The following POLQ variants were observed in gnomAD, a reference collection of about 807,000 sequenced individuals.
POLQ encodes the protein DNA polymerase theta.
In POLQ, 233 loss-of-function variants were observed where a neutral mutation model predicts 259.2. That is an observed-to-expected ratio of 0.90 (90% confidence interval 0.81 to 1.00). POLQ has a LOEUF of 1.00. POLQ is among the 50% of genes least tolerant of loss of function. The pLI is 0.00. For synonymous variants in POLQ, 1,025 were observed against 1,048.8 expected, an observed-to-expected ratio of 0.98 and a Z score of 0.44; for missense variants, 2,871 against 3,051.6, an observed-to-expected ratio of 0.94 and a Z score of 1.39.
chr3:121,538,096 A>T (rs1176337373), intron 4 of POLQ, among the ~76,000 whole-genome samples: 1 of 152,196 alleles, frequency 6.6e-6, no homozygotes, highest in East Asian at 1.9e-4. Context: ...TGAAATATCA[A>T]AGACATCTAT....
At position 121,489,642 on chromosome 3, in the gene POLQ, A is replaced by G; in HGVS notation, c.3289T>C (p.Phe1097Leu). 1 of 1,614,044 alleles carries G rather than the reference A, an allele frequency of 6.2e-7. No individual in the cohort carries two copies. The highest frequency in any genetic ancestry group is 1.6e-4 in the Middle Eastern group (1 of 6,062). The stretch of plus-strand genomic sequence containing the variant: ...CCACTCAAAGATACATTTTTAGCAA[A>G]TGGCCCTGAATTTCTAAATTCCGTT... ...KKTEFRNSGP[F>L]AKNVSLSGKE... The change falls in exon 16 of 30, where the codon TTT (phenylalanine) becomes CTT (leucine). Residue 1097 changes from phenylalanine to leucine, a missense_variant. Around this residue, in one of 3 missense-constraint regions of POLQ, gnomAD observed 2,080 missense variants for 2,126.0 expected, o/e 0.98. Coordinates refer to ENST00000264233, the MANE Select transcript of POLQ (RefSeq NM_199420.4).
Position 121,520,006 on chromosome 3 carries a change from T to C in POLQ, c.1333A>G (p.Thr445Ala). 6.2e-7 allele frequency: 1 copy of C among 1,612,906 alleles called. No individual in the cohort carries two copies. Among genetic ancestry groups the C allele is most frequent in the East Asian group, 2.2e-5 (1 of 44,848 alleles). The change falls in exon 9 of 30, where the codon ACT becomes GCT. Residue 445 changes from threonine (T) to alanine (A), a missense_variant. Physicochemically the swap from Thr to Ala is moderately conservative, Grantham distance 58 (BLOSUM62 0). Around this residue, in one of 3 missense-constraint regions of POLQ, gnomAD observed 783 missense variants for 906.2 expected, o/e 0.86. Transcript: ENST00000264233. ...GGTAAATTCACCCCAGAAGAAAGAG[T>C]AGAAGTTGCCGCCAAGACCCGAATG... ...GLIRVLAATSTLSSGVNLPAR... is the reference protein window; with the variant it reads ...GLIRVLAATSALSSGVNLPAR...
intron 23 of POLQ, 32 bp downstream of exon 23, chr3:121,468,273 T>C: frequency 1.3e-6 from 2 of 1,564,774 alleles, no homozygotes; most frequent in Non-Finnish European, 1.7e-6. Context: ...TACAAAAGTT[T>C]ATTAATACAG....
chr3:121,474,557 T>A (rs921954723), intron 20 of POLQ, among the ~76,000 whole-genome samples: 2 of 152,210 alleles, frequency 1.3e-5, no homozygotes, highest in African/African-American at 4.8e-5. Context: ...ATTGAAACTA[T>A]TTGTGTAAGT....
Position 121,510,051 on chromosome 3 carries a change from C to T in POLQ, c.1804G>A (p.Asp602Asn). The change falls in exon 11 of 30, where the codon GAT becomes AAT. Residue 602 changes from aspartate to asparagine, a missense_variant. This residue lies in a region of POLQ where 783 missense variants were observed against 906.2 expected (regional missense o/e 0.86). Transcript: ENST00000264233. Reference sequence around the variant, plus strand: ...AAGTCACACTTACCTTCTGTTCCATCACTGGCTTCTGTACTCTGGATGAAT... The same window carrying T: ...AAGTCACACTTACCTTCTGTTCCATTACTGGCTTCTGTACTCTGGATGAAT... ...NEFIQSTEAS[D>N]GTEGKVYHPT... The T allele has an allele frequency of 6.2e-7, 1 of 1,613,440 alleles. No individual in the cohort carries two copies. The highest frequency in any genetic ancestry group is 8.5e-7 in the Non-Finnish European group (1 of 1,179,336).
At chr3:121,493,451 C>T in intron 15 of POLQ, 27 bp downstream of exon 15, 1 of 1,563,842 alleles carries the variant, frequency 6.4e-7, no homozygotes, top group Non-Finnish European at 8.7e-7. Flanking sequence ...ATTTCATAAG[C>T]CCATGTAGGT....
chr3:121,453,367 G>A (rs2047697148), intron 25 of POLQ, among the ~76,000 whole-genome samples: 1 of 152,212 alleles, frequency 6.6e-6, no homozygotes, highest in African/African-American at 2.4e-5. Flanking sequence ...TTCCTCACCA[G>A]CAACGGAACA....
intron 25 of POLQ, among the ~76,000 whole-genome samples, chr3:121,451,192 A>C (rs903826269): frequency 5.9e-5 from 9 of 152,160 alleles, no homozygotes; most frequent in Admixed American, 1.3e-4. Flanking sequence ...CATTCGTCTA[A>C]TCTTTTTTCA....
intron 12 of POLQ, among the ~76,000 whole-genome samples, chr3:121,502,218 T>C (rs1279200527): frequency 6.6e-6 from 1 of 152,166 alleles, no homozygotes; most frequent in Non-Finnish European, 1.5e-5. Flanking sequence ...TGGGTTTGTT[T>C]GTTAGTTTGT....
chr3:121,462,269 A>C, intron 24 of POLQ, among the ~76,000 whole-genome samples: 1 of 152,292 alleles, frequency 6.6e-6, no homozygotes, highest in Non-Finnish European at 1.5e-5. Flanking sequence ...TATGGGAAAA[A>C]AAAAATGGTT....
chr3:121,509,770 T>A, intron 11 of POLQ, 67 bp from the exon 12 acceptor site: 1 of 1,459,982 alleles, frequency 6.8e-7, no homozygotes, highest in Non-Finnish European at 9.4e-7. Context: ...CAAAATACTA[T>A]CTTTCTGTTT....
intron 19 of POLQ, among the ~76,000 whole-genome samples, chr3:121,478,600 A>G (rs969135813): frequency 1.1e-4 from 13 of 121,454 alleles, no homozygotes; most frequent in African/African-American, 1.5e-4. Context: ...AAAAAAAAAA[A>G]GTTAAGCCTG....
intron 20 of POLQ, 133 bp downstream of exon 20, chr3:121,476,407 C>A: frequency 1.8e-6 from 1 of 563,034 alleles, no homozygotes; most frequent in Non-Finnish European, 3.0e-6. Context: ...CCAAAGCAAT[C>A]TGGTTAACTG....
chr3:121,531,207 A>G (rs1464307604), intron 6 of POLQ, among the ~76,000 whole-genome samples: 1 of 152,090 alleles, frequency 6.6e-6, no homozygotes, highest in African/African-American at 2.4e-5. Context: ...AATAATAATA[A>G]TATGTTTGGT....
At chr3:121,437,982 C>T (rs948888449) in intron 27 of POLQ, among the ~76,000 whole-genome samples, 2 of 152,002 alleles carry the variant, frequency 1.3e-5, no homozygotes, top group African/African-American at 4.8e-5. Flanking sequence ...TCTGGGAAGG[C>T]GATGGGTGGT....
intron 12 of POLQ, among the ~76,000 whole-genome samples, chr3:121,504,739 T>C (rs1430184021): frequency 6.6e-6 from 1 of 152,210 alleles, no homozygotes; most frequent in African/African-American, 2.4e-5. Flanking sequence ...TGGAAGTATT[T>C]ATCCAATGCC....
chr3:121,529,474 G>T (rs1028466257), intron 7 of POLQ, among the ~76,000 whole-genome samples, 171 bp downstream of exon 7: 2 of 152,160 alleles, frequency 1.3e-5, no homozygotes, highest in African/African-American at 4.8e-5. Flanking sequence ...CTATACTAGG[G>T]ACGGAATATT....
chr3:121,454,646 A>G (rs1045104451), intron 25 of POLQ, among the ~76,000 whole-genome samples: 1 of 152,246 alleles, frequency 6.6e-6, no homozygotes, highest in Non-Finnish European at 1.5e-5. Context: ...AGGCCATTAC[A>G]TAATGGTAAA....
At chr3:121,460,417 AT>A (rs1457833341) in intron 24 of POLQ, among the ~76,000 whole-genome samples, 183 bp from the exon 25 acceptor site, 1 of 152,106 alleles carries the variant, frequency 6.6e-6, no homozygotes, top group African/African-American at 2.4e-5. Flanking sequence ...ATCTTAGGTC[AT>A]TTTTTTCCAT....
Sources: gnomAD v4.1 joint callset for allele counts (sites outside exome capture counted in the v4.1 genomes callset) on GRCh38, gnomAD v4.1.1 for gene constraint, gnomAD v4.1.1 regional missense constraint, MANE v1.5 for transcripts, NCBI Gene and HGNC (gene_info 2026-07-23, HGNC 2026-07-21) for gene names.